Variants in KCNQ1 observed in about 807,000 individuals in gnomAD.
KCNQ1 encodes potassium voltage-gated channel subfamily Q member 1.
KCNQ1 carries 49 observed loss-of-function variants against 72.4 expected under a neutral mutation model. The observed-to-expected ratio is 0.68, with a 90% CI of 0.54 to 0.86. KCNQ1 has a LOEUF of 0.86. KCNQ1 is among the 40% of genes least tolerant of loss of function. The pLI is 0.00. For missense variants in KCNQ1, 790 were observed against 945.1 expected (o/e 0.84, Z 2.15); for synonymous variants, 450 against 412.6 (o/e 1.09, Z -1.10).
intron 11 of KCNQ1, among the ~76,000 whole-genome samples, chr11:2,702,113 A>G (rs532318123): frequency 6.6e-6 from 1 of 151,598 alleles, no homozygotes; most frequent in African/African-American, 2.4e-5. Flanking sequence ...TCCCCTGATC[A>G]CCCTCCCTGC....
intron 11 of KCNQ1, chr11:2,699,820 C>T: frequency 2.5e-6 from 1 of 395,048 alleles, no homozygotes; most frequent in East Asian, 3.6e-5. Context: ...ACCACGATGA[C>T]TGACGCACCG....
At chr11:2,633,459 G>C in intron 10 of KCNQ1, 1 of 398,498 alleles carries the variant, frequency 2.5e-6, no homozygotes, top group Non-Finnish European at 4.4e-6. Flanking sequence ...CCCATATCCT[G>C]AAGGGTTTCC....
chr11:2,564,414 T>G lies in KCNQ1; in HGVS notation c.478-6214T>G, dbSNP rs983952194. 6.6e-6 allele frequency among the ~76,000 whole-genome samples: 1 copy of G among 152,114 alleles called. No homozygotes were observed. The highest frequency in any genetic ancestry group is 1.5e-5 in the Non-Finnish European group (1 of 68,012). On this transcript the variant is annotated intron_variant, in intron 2 of 15. Coordinates refer to ENST00000155840, the MANE Select transcript of KCNQ1 (RefSeq NM_000218.3). The surrounding 1 kb of genome is among the most constrained non-coding windows in gnomAD (Gnocchi z 4.5). ...TTTGAGACCAGCCTGGCCAACATGG[T>G]GAAACCTTGTCTCTACTAATAATAC...
At chr11:2,531,205 G>A (rs1847621564) in intron 2 of KCNQ1, among the ~76,000 whole-genome samples, 2 of 141,984 alleles carry the variant, frequency 1.4e-5, no homozygotes, top group Non-Finnish European at 3.0e-5. Flanking sequence ...TCTGCAGCTC[G>A]AGAATTAGAC....
intron 10 of KCNQ1, chr11:2,648,985 T>TTC: frequency 6.3e-6 from 1 of 158,366 alleles, no homozygotes; most frequent in East Asian, 1.6e-4. Flanking sequence ...CTTTTTCTTT[T>TTC]TTTTTTTTTT....
chr11:2,561,583 G>C (rs1344159419), intron 2 of KCNQ1, among the ~76,000 whole-genome samples: 2 of 152,236 alleles, frequency 1.3e-5, no homozygotes, highest in Admixed American at 6.5e-5. Context: ...TGAGCACAGA[G>C]AGGCTGAGCT....
At chr11:2,610,965 C>A in intron 10 of KCNQ1, 1 of 398,220 alleles carries the variant, frequency 2.5e-6, no homozygotes, top group South Asian at 1.3e-4. Flanking sequence ...GACAGAAAAT[C>A]AACAAGAGTT....
chr11:2,462,726 G>A lies in KCNQ1; in HGVS notation c.386+17242G>A, dbSNP rs1389872605. Among the ~76,000 whole-genome samples the A allele has an allele frequency of 6.6e-6, 1 of 152,080 alleles. No homozygotes were observed. Among genetic ancestry groups the A allele is most frequent in the Non-Finnish European group, 1.5e-5 (1 of 68,006 alleles). On this transcript the variant is annotated intron_variant, in intron 1 of 15. Coordinates refer to ENST00000155840, the MANE Select transcript of KCNQ1 (RefSeq NM_000218.3). This position sits in a 1 kb window ranked among gnomAD's most constrained non-coding sequence, Gnocchi z 8.2. ...GGGGAGGGGGCGGTGGAGTGAAGGG[G>A]AGGGTGGGCGCTGCTGGCAAGAACC...
At position 2,679,846 on chromosome 11, in the gene KCNQ1, C is replaced by T. The variant is rs561575329; in HGVS notation, c.1514+17765C>T. On this transcript the variant is annotated intron_variant, in intron 11 of 15. Transcript: ENST00000155840. The surrounding 1 kb of genome is among the most constrained non-coding windows in gnomAD (Gnocchi z 4.8). ...GCTGCTACTTCTGAATTTTATAGGA[C>T]ATGCATTTTTTTCATATAAACTTAG... The T allele has an allele frequency of 2.5e-6, 1 of 398,538 alleles. No homozygotes were observed. The highest frequency in any genetic ancestry group is 3.6e-5 in the East Asian group (1 of 28,072). The allele number at this position is 398,538 out of a possible 1,614,324, so 24.7% of individuals were successfully genotyped here.
chr11:2,622,639 T>A, intron 10 of KCNQ1: 3 of 398,640 alleles, frequency 7.5e-6, no homozygotes, highest in Non-Finnish European at 1.3e-5. Context: ...CTGCCTTTTT[T>A]TGTGTTTGAT....
chr11:2,561,805 A>C (rs1848171438), intron 2 of KCNQ1, among the ~76,000 whole-genome samples: 1 of 152,138 alleles, frequency 6.6e-6, no homozygotes, highest in Admixed American at 6.5e-5. Flanking sequence ...AGGGGCCCAG[A>C]AGCCCTCCCC....
At position 2,464,828 on chromosome 11, in the gene KCNQ1, A is replaced by G. The variant is rs1281319325; in HGVS notation, c.386+19344A>G. 6.6e-6 allele frequency among the ~76,000 whole-genome samples: 1 copy of G among 152,102 alleles called. No individual in the cohort carries two copies. Among genetic ancestry groups the G allele is most frequent in the Non-Finnish European group, 1.5e-5 (1 of 68,006 alleles). The stretch of plus-strand genomic sequence containing the variant: ...ACTGTGGGGAGCTGCCCAGAGATGG[A>G]AGGAGCTGGAGTCCACAGGGCGCTT... On this transcript the variant is annotated intron_variant, in intron 1 of 15. Coordinates refer to ENST00000155840, the MANE Select transcript of KCNQ1 (RefSeq NM_000218.3). The surrounding 1 kb of genome is among the most constrained non-coding windows in gnomAD (Gnocchi z 5.0).
At chr11:2,637,297 C>T (rs1412421170) in intron 10 of KCNQ1, 4 of 152,072 alleles carry the variant, frequency 2.6e-5, no homozygotes, top group African/African-American at 9.7e-5. Context: ...TAGATTTTTC[C>T]TGCTTTCTCT....
At chr11:2,791,149 C>T (rs936783216) in intron 15 of KCNQ1, among the ~76,000 whole-genome samples, 2 of 152,214 alleles carry the variant, frequency 1.3e-5, no homozygotes, top group Admixed American at 6.5e-5. Context: ...TCTGTGAGTG[C>T]AACTGCTTCA....
intron 1 of KCNQ1, among the ~76,000 whole-genome samples, chr11:2,449,768 C>T (rs753010857): frequency 7.9e-5 from 12 of 152,172 alleles, no homozygotes; most frequent in Non-Finnish European, 1.5e-4. Context: ...TTTTTAAAGG[C>T]GTTGGGTGCC....
In KCNQ1 at chr11:2,451,726, G is replaced by A. The variant is rs1565025821; in HGVS notation, c.386+6242G>A. On this transcript the variant is annotated intron_variant, in intron 1 of 15. Transcript: ENST00000155840. The surrounding 1 kb of genome is among the most constrained non-coding windows in gnomAD (Gnocchi z 6.4). ...CTGACTCCAGGACAGGCCCCTGCCC[G>A]CTCTGGGACCTGGGGCCTGGGCTCT... 6.6e-6 allele frequency among the ~76,000 whole-genome samples: 1 copy of A among 152,164 alleles called. No homozygotes were observed. The highest frequency in any genetic ancestry group is 1.5e-5 in the Non-Finnish European group (1 of 68,002).
intron 15 of KCNQ1, among the ~76,000 whole-genome samples, chr11:2,831,929 G>T (rs572323609): frequency 6.6e-6 from 1 of 152,152 alleles, no homozygotes; most frequent in South Asian, 2.1e-4. Context: ...GCCTGAGCTG[G>T]ACATGCCCCT....
chr11:2,760,461 G>T (rs545154804), intron 11 of KCNQ1, among the ~76,000 whole-genome samples: 2 of 152,332 alleles, frequency 1.3e-5, no homozygotes, highest in East Asian at 3.9e-4. Flanking sequence ...GGAGATGAAT[G>T]AAGCGGGTCT....
intron 11 of KCNQ1, among the ~76,000 whole-genome samples, chr11:2,736,465 T>G (rs1438854897): frequency 6.6e-6 from 1 of 151,990 alleles, no homozygotes; most frequent in African/African-American, 2.4e-5. Flanking sequence ...GCCTCTGGGG[T>G]TAGACGGTGG....
Sources: allele counts gnomAD v4.1 joint callset (sites outside exome capture counted in the v4.1 genomes callset), GRCh38; gene constraint gnomAD v4.1.1; non-coding constraint Gnocchi (gnomAD v3.1); transcripts MANE v1.5; gene names NCBI Gene and HGNC (gene_info 2026-07-23, HGNC 2026-07-21).